Variants in INSRR observed in about 807,000 individuals in gnomAD.
The protein encoded by INSRR is insulin receptor-related protein.
INSRR carries 114 observed loss-of-function variants against 130.0 expected under a neutral mutation model. The ratio of observed to expected loss-of-function variants is 0.88; its 90% CI spans 0.75 to 1.02. The LOEUF (loss-of-function observed/expected upper bound fraction) is 1.02, where lower values mean the gene tolerates loss of function less well. Ranked by LOEUF, INSRR falls within the 50% of genes least tolerant of loss-of-function variation. The pLI is 0.00. For synonymous variants in INSRR, 674 were observed against 705.2 expected (o/e 0.96, Z 0.70); for missense variants, 1,657 against 1,735.2 (o/e 0.95, Z 0.80).
intron 5 of INSRR, among the ~76,000 whole-genome samples, chr1:156,850,553 T>C (rs1444852205): frequency 4.9e-5 from 6 of 121,940 alleles, no homozygotes; most frequent in African/African-American, 2.0e-4. Context: ...TTTTTTTTTT[T>C]TTTTTTTTTT....
rs930087045 is a variant in INSRR at position 156,858,852 on chromosome 1, T to C, written c.-231A>G. The stretch of plus-strand genomic sequence containing the variant: ...CAGTTGGAGACAGAGAGACTCAGCA[T>C]GAGATTGAGAGATGGGGACAGAGAT... On this transcript the variant is annotated 5_prime_UTR_variant, in exon 1 of 22. The change abolishes an upstream ATG in the 5' untranslated region. Transcript: ENST00000368195. 5.8e-5 allele frequency: 33 copies of C among 568,822 alleles called. No individual in the cohort carries two copies. In the Admixed American group the frequency reaches 7.5e-4, roughly 13 times the overall value. The allele number at this position is 568,822 out of a possible 1,614,324, so 35.2% of individuals were successfully genotyped here.
At chr1:156,848,521 A>C (rs570619023) in intron 7 of INSRR, among the ~76,000 whole-genome samples, 1 of 152,246 alleles carries the variant, frequency 6.6e-6, no homozygotes, top group South Asian at 2.1e-4. Flanking sequence ...CTCCCTTCCT[A>C]AGGCTTAAAT....
At chr1:156,857,054 A>C (rs1655429916) in intron 1 of INSRR, among the ~76,000 whole-genome samples, 1 of 151,770 alleles carries the variant, frequency 6.6e-6, no homozygotes, top group South Asian at 2.1e-4. Flanking sequence ...CATTCCTGAT[A>C]GTTTGTTAAG....
chr1:156,843,219 C>T lies in INSRR; in HGVS notation c.2911G>A (p.Glu971Lys), dbSNP rs1654864404. 1.9e-6 allele frequency: 3 copies of T among 1,614,098 alleles called. No individual in the cohort carries two copies. The highest frequency in any genetic ancestry group is 2.5e-6 in the Non-Finnish European group (3 of 1,180,002). Reference protein sequence around the residue: ...FSASDMYVPDEWEVPREQISI... With the variant: ...FSASDMYVPDKWEVPREQISI... ...ATCTGCTCCCGAGGCACCTCCCATT[C>T]ATCAGGGACATACACTGCAAGGAGG... Residue 971 changes from glutamate to lysine, a missense_variant, in exon 17 of 22, where the codon GAA becomes AAA. By Grantham distance (56) the Glu-to-Lys change is moderately conservative. Coordinates refer to ENST00000368195, the MANE Select transcript of INSRR (RefSeq NM_014215.3).
rs768201979 is a variant in INSRR at position 156,843,241 on chromosome 1, G to A, written c.2897-8C>T. 3 of 1,612,968 alleles carry A rather than the reference G, an allele frequency of 1.9e-6. No individual in the cohort carries two copies. Among genetic ancestry groups the A allele is most frequent in the African/African-American group, 2.7e-5 (2 of 74,902 alleles). On this transcript the variant is annotated splice_region_variant and splice_polypyrimidine_tract_variant and intron_variant, in intron 16 of 21. Coordinates refer to ENST00000368195, the MANE Select transcript of INSRR (RefSeq NM_014215.3). Reference sequence around the variant, plus strand: ...ATTCATCAGGGACATACACTGCAAGGAGGTGGAGGGTCACAAAGCGAGGAT... The same window carrying A: ...ATTCATCAGGGACATACACTGCAAGAAGGTGGAGGGTCACAAAGCGAGGAT...
chr1:156,853,701 G>T lies in INSRR; in HGVS notation c.637+51C>A, dbSNP rs560580644. 3 of 1,536,900 alleles carry T rather than the reference G, an allele frequency of 2.0e-6. No homozygotes were observed. In the South Asian group the frequency reaches 3.7e-5, roughly 19 times the overall value. On this transcript the variant is annotated intron_variant, in intron 2 of 21. Coordinates refer to ENST00000368195, the MANE Select transcript of INSRR (RefSeq NM_014215.3). ...CCATCCTGTGGCCACCCAGCCCCAT[G>T]TGACCCTGCTCTCTCCCTTCCCTAC...
At position 156,858,536 on chromosome 1, in the gene INSRR, C is replaced by T. The variant is rs767001717; in HGVS notation, c.85+1G>A. The T allele has an allele frequency of 6.8e-6, 11 of 1,612,552 alleles. No homozygotes were observed. The highest frequency in any genetic ancestry group is 1.6e-4 in the Middle Eastern group (1 of 6,082). The stretch of plus-strand genomic sequence containing the variant: ...TCTGGGAGCCAGTTCTGGGGACTCA[C>T]CCTCTACTGTATCCAGGCCAAATCC... On this transcript the variant is annotated splice_donor_variant, in intron 1 of 21. Transcript: ENST00000368195. LOFTEE classifies it high-confidence loss of function.
chr1:156,845,372 C>T lies in INSRR; in HGVS notation c.2216G>A (p.Arg739Lys). Residue 739 changes from arginine to lysine, a missense_variant and splice_region_variant, in exon 11 of 22, where the codon AGG becomes AAG. Transcript: ENST00000368195. The part of the protein sequence containing the change: ...KVTSINKSPQ[R>K]DSGRHRRAAG... ...CAGCACCTGCCCTAGTCCTGCTCAC[C>T]TTTGGGGGCTCTTGTTGATGGACGT... is the stretch of plus-strand genomic sequence containing the variant. The T allele has an allele frequency of 3.2e-6, 5 of 1,579,990 alleles. No homozygotes were observed. The highest frequency in any genetic ancestry group is 4.3e-6 in the Non-Finnish European group (5 of 1,161,490).
In INSRR at chr1:156,854,254, C is replaced by T; in HGVS notation, c.135G>A (p.Leu45=). Residue 45 remains leucine (L), a synonymous_variant, in exon 2 of 22, where the codon CTG becomes CTA. Transcript: ENST00000368195. The surrounding 1 kb of genome is among the most constrained non-coding windows in gnomAD (Gnocchi z 4.2). Reference sequence around the variant, plus strand: ...GGCCCTCCACCACGCTGCAGTTCTCCAGCTGACGAAGCTCTGCCACCTCTG... The same window carrying T: ...GGCCCTCCACCACGCTGCAGTTCTCTAGCTGACGAAGCTCTGCCACCTCTG... The part of the protein sequence containing the change: ...IRSEVAELRQ[L]ENCSVVEGHL... The T allele has an allele frequency of 6.2e-7, 1 of 1,613,732 alleles. No individual in the cohort carries two copies.
In INSRR at chr1:156,845,124, C is replaced by T; in HGVS notation, c.2389G>A (p.Val797Met). The part of the protein sequence containing the change: ...IHACNHAAHT[V>M]GCSAATFVFA... ...ACGAAGGTGGCGGCGCTGCAGCCCA[C>T]GGTGTGCGCCGCGTGGTTGCAGGCA... The change falls in exon 12 of 22, where the codon GTG (valine) becomes ATG (methionine). Residue 797 changes from valine (V) to methionine (M), a missense_variant. By Grantham distance (21) the Val-to-Met change is conservative. Transcript: ENST00000368195. 1.2e-6 allele frequency: 2 copies of T among 1,611,306 alleles called. No homozygotes were observed. Among genetic ancestry groups the T allele is most frequent in the Non-Finnish European group, 1.7e-6 (2 of 1,179,194 alleles).
rs116183913 is a variant in INSRR at position 156,849,883 on chromosome 1, A to T, written c.1230-423T>A. Among the ~76,000 whole-genome samples the T allele has an allele frequency of 8.5e-3, 1,285 of 151,238 alleles. 15 individuals are homozygous for T. Among genetic ancestry groups the T allele is most frequent in the African/African-American group, 0.028 (1,166 of 41,154 alleles). On this transcript the variant is annotated intron_variant, in intron 5 of 21. Coordinates refer to ENST00000368195, the MANE Select transcript of INSRR (RefSeq NM_014215.3). Reference sequence around the variant, plus strand: ...TGTGTCTGGAGACATGAGAAGCCACAGAGAGCCACTAGACTAGATGACTAG... The same window carrying T: ...TGTGTCTGGAGACATGAGAAGCCACTGAGAGCCACTAGACTAGATGACTAG...
In INSRR at chr1:156,851,576, T is replaced by C. The variant is rs150103251; in HGVS notation, c.1084+70A>G. On this transcript the variant is annotated intron_variant, in intron 4 of 21. Transcript: ENST00000368195. ...TGGAAAATTGTGCTGAGTTGGGTCA[T>C]TGTAAGGGTTGTGTCTGGGAGGAAG... 3.8e-4 allele frequency: 617 copies of C among 1,610,436 alleles called. 3 individuals are homozygous for C. The African/African-American group carries it at 7.7e-3, about 20-fold the overall frequency.
chr1:156,851,595 G>A, intron 4 of INSRR, 51 bp downstream of exon 4: 1 of 1,613,402 alleles, frequency 6.2e-7, no homozygotes, highest in Non-Finnish European at 8.5e-7. Flanking sequence ...TTGTGTCTGG[G>A]AGGAAGGGTA....
At position 156,851,657 on chromosome 1, in the gene INSRR, A is replaced by C; in HGVS notation, c.1073T>G (p.Leu358Arg). Residue 358 changes from leucine to arginine, a missense_variant, in exon 4 of 22, where the codon CTT becomes CGT. Coordinates refer to ENST00000368195, the MANE Select transcript of INSRR (RefSeq NM_014215.3). Reference protein sequence around the residue: ...THVEGSLILNLRQGYNLEPQL... With the variant: ...THVEGSLILNRRQGYNLEPQL... The stretch of plus-strand genomic sequence containing the variant: ...AAGTAGGTACTGACAGCCCTGGCGA[A>C]GGTTGAGGATGAGGCTTCCCTCCAC... 6.2e-7 allele frequency: 1 copy of C among 1,614,174 alleles called. No individual in the cohort carries two copies. Among genetic ancestry groups the C allele is most frequent in the Admixed American group, 1.7e-5 (1 of 60,022 alleles).
chr1:156,843,366 G>A, intron 16 of INSRR, 61 bp downstream of exon 16: 1 of 1,588,496 alleles, frequency 6.3e-7, no homozygotes, highest in Non-Finnish European at 8.6e-7. Context: ...CTGGAAGTCT[G>A]TCTCTGCTCC....
intron 7 of INSRR, among the ~76,000 whole-genome samples, chr1:156,847,858 T>C (rs1655065425): frequency 6.6e-6 from 1 of 152,128 alleles, no homozygotes; most frequent in South Asian, 2.1e-4. Flanking sequence ...GTTCCCAAGG[T>C]TCTCTGCTCT....
chr1:156,848,961 C>CTCATAGCG lies in INSRR; in HGVS notation c.1530_1531insCGCTATGA (p.Ala511ArgfsTer45). On this transcript the variant is annotated frameshift_variant, in exon 7 of 22. Transcript: ENST00000368195. LOFTEE classifies it high-confidence loss of function. ...ACGATGAAGCTGAGCAGGTCGCGGG[C>CTCATAGCG]CTCCAGTGGCTCATAGCGCTCCCAG... 1 of 1,602,532 alleles carries CTCATAGCG rather than the reference C, an allele frequency of 6.2e-7. No homozygotes were observed. Among genetic ancestry groups the CTCATAGCG allele is most frequent in the Non-Finnish European group, 8.5e-7 (1 of 1,175,038 alleles).
chr1:156,841,599 G>A, intron 20 of INSRR, 66 bp downstream of exon 20: 1 of 1,609,896 alleles, frequency 6.2e-7, no homozygotes, highest in Non-Finnish European at 8.5e-7. Context: ...GGATGGGGGT[G>A]TTCCAGGCCC....
At position 156,849,233 on chromosome 1, in the gene INSRR, G is replaced by T. The variant is rs1655119385; in HGVS notation, c.1444+13C>A. The stretch of plus-strand genomic sequence containing the variant: ...TGGCCGCGTGTCCACCGGCACTGGG[G>T]TTGGGGTCTCACAGGCGGCGCGGTC... On this transcript the variant is annotated intron_variant, in intron 6 of 21. Coordinates refer to ENST00000368195, the MANE Select transcript of INSRR (RefSeq NM_014215.3). 2 of 1,613,052 alleles carry T rather than the reference G, an allele frequency of 1.2e-6. No individual in the cohort carries two copies. The highest frequency in any genetic ancestry group is 1.7e-6 in the Non-Finnish European group (2 of 1,179,806).
Sources: gnomAD v4.1 joint callset for allele counts (sites outside exome capture counted in the v4.1 genomes callset) on GRCh38, gnomAD v4.1.1 for gene constraint, Gnocchi (gnomAD v3.1) non-coding constraint, MANE v1.5 for transcripts, NCBI Gene and HGNC (gene_info 2026-07-23, HGNC 2026-07-21) for gene names.